The following SLC22A23 variants were observed in gnomAD, a reference collection of about 807,000 sequenced individuals.
SLC22A23 encodes solute carrier family 22 member 23.
In SLC22A23, 26 loss-of-function variants were observed where a neutral mutation model predicts 61.0. That is an observed-to-expected ratio of 0.43 (90% CI 0.31 to 0.59). SLC22A23 has a LOEUF of 0.59. Ranked by LOEUF, SLC22A23 falls within the 20% of genes least tolerant of loss-of-function variation. The pLI is 0.11. For missense variants in SLC22A23, 796 were observed against 934.7 expected, an observed-to-expected ratio of 0.85 and a Z score of 1.94; for synonymous variants, 430 against 413.9, an observed-to-expected ratio of 1.04 and a Z score of -0.47.
chr6:3,352,906 C>T (rs1581735270), intron 3 of SLC22A23, among the ~76,000 whole-genome samples: 1 of 152,324 alleles, frequency 6.6e-6, no homozygotes, highest in South Asian at 2.1e-4. Context: ...CAGTCGCCCC[C>T]GTGACCTGCA....
chr6:3,358,088 G>A (rs1765222740), intron 3 of SLC22A23, among the ~76,000 whole-genome samples: 1 of 152,188 alleles, frequency 6.6e-6, no homozygotes, highest in Non-Finnish European at 1.5e-5. Context: ...CCCCAGGATG[G>A]AGAGAAATTG....
In SLC22A23 at chr6:3,320,033, T is replaced by C. The variant is rs529195079; in HGVS notation, c.1082+3801A>G. 4.6e-5 allele frequency among the ~76,000 whole-genome samples: 7 copies of C among 152,324 alleles called. 1 individual carries two copies. Among genetic ancestry groups the C allele is most frequent in the East Asian group, 3.9e-4 (2 of 5,168 alleles). Reference sequence around the variant, plus strand: ...CCATTGACAGTTTTGACTCCTGGCTTGACTGAAGGAGCTCAGTTCTCACGG... The same window carrying C: ...CCATTGACAGTTTTGACTCCTGGCTCGACTGAAGGAGCTCAGTTCTCACGG... On this transcript the variant is annotated intron_variant, in intron 4 of 9. Transcript: ENST00000406686.
At chr6:3,351,963 G>A (rs983738287) in intron 3 of SLC22A23, among the ~76,000 whole-genome samples, 1 of 152,202 alleles carries the variant, frequency 6.6e-6, no homozygotes, top group Non-Finnish European at 1.5e-5. Flanking sequence ...AGGAGAGCAG[G>A]GAGGGATGCT....
chr6:3,292,147 TACTC>T (rs776557390), intron 5 of SLC22A23, among the ~76,000 whole-genome samples: 3 of 152,326 alleles, frequency 2.0e-5, no homozygotes, highest in Non-Finnish European at 2.9e-5. Flanking sequence ...TACTACCAGT[TACTC>T]ACATCACCAG....
At chr6:3,331,412 C>T (rs368701538) in intron 3 of SLC22A23, among the ~76,000 whole-genome samples, 57 of 152,164 alleles carry the variant, frequency 3.7e-4, no homozygotes, top group African/African-American at 1.2e-3. Flanking sequence ...AGTTCAGTCA[C>T]TTTACCAGTG....
In SLC22A23 at chr6:3,322,076, G is replaced by A. The variant is rs900216637; in HGVS notation, c.1082+1758C>T. On this transcript the variant is annotated intron_variant, in intron 4 of 9. Coordinates refer to ENST00000406686, the MANE Select transcript of SLC22A23 (RefSeq NM_015482.2). This position sits in a 1 kb window ranked among gnomAD's most constrained non-coding sequence, Gnocchi z 4.1. ...TCTAAAGAGCAAACAAGGAATAGGG[G>A]CCAGGCAGGGGAAGACAGGAGCCAG... Among the ~76,000 whole-genome samples the A allele has an allele frequency of 2.0e-5, 3 of 152,188 alleles. No homozygotes were observed. Among genetic ancestry groups the A allele is most frequent in the African/African-American group, 7.2e-5 (3 of 41,426 alleles).
chr6:3,375,225 A>G (rs978913970), intron 3 of SLC22A23, among the ~76,000 whole-genome samples: 1 of 152,246 alleles, frequency 6.6e-6, no homozygotes, highest in Non-Finnish European at 1.5e-5. Flanking sequence ...GAACCAGTTG[A>G]TAGTTGGTTT....
chr6:3,435,060 C>T lies in SLC22A23; in HGVS notation c.655-19205G>A, dbSNP rs896398514. 2.6e-5 allele frequency among the ~76,000 whole-genome samples: 4 copies of T among 152,114 alleles called. 1 individual carries two copies. The highest frequency in any genetic ancestry group is 6.3e-3 in the Middle Eastern group (2 of 316). Reference sequence around the variant, plus strand: ...ACCCAGGCAACAAGGGTGCTGGAAGCGGCTGCTGGGAGTGAAGGACCCATG... The same window carrying T: ...ACCCAGGCAACAAGGGTGCTGGAAGTGGCTGCTGGGAGTGAAGGACCCATG... On this transcript the variant is annotated intron_variant, in intron 1 of 9. Transcript: ENST00000406686.
Position 3,323,947 on chromosome 6 carries a change from G to A in SLC22A23, c.969C>T (p.Phe323=), listed in dbSNP as rs776073781. 1.5e-5 allele frequency: 25 copies of A among 1,614,126 alleles called. No homozygotes were observed. The highest frequency in any genetic ancestry group is 3.3e-5 in the South Asian group (3 of 91,086). Reference sequence around the variant, plus strand: ...TGAGGAACTGGCCCGCCATGGCCACGAAGCTCGCCACCATCGTAATCATGA... The same window carrying A: ...TGAGGAACTGGCCCGCCATGGCCACAAAGCTCGCCACCATCGTAATCATGA... The part of the protein sequence containing the change: ...KRFMITMVAS[F]VAMAGQFLMP... The change falls in exon 4 of 10, where the codon TTC becomes TTT. Residue 323 remains phenylalanine (F), a synonymous_variant. Transcript: ENST00000406686.
Position 3,411,366 on chromosome 6 carries a change from C to T in SLC22A23, c.759-1024G>A, listed in dbSNP as rs570361496. Reference sequence around the variant, plus strand: ...TACCACAAAGGGTAGCTGAGGGGCTCGAACTGTCCTAGACGTGTTAATTAC... The same window carrying T: ...TACCACAAAGGGTAGCTGAGGGGCTTGAACTGTCCTAGACGTGTTAATTAC... On this transcript the variant is annotated intron_variant, in intron 2 of 9. Coordinates refer to ENST00000406686, the MANE Select transcript of SLC22A23 (RefSeq NM_015482.2). Among the ~76,000 whole-genome samples, 9 of 152,204 alleles carry T rather than the reference C, an allele frequency of 5.9e-5. No individual in the cohort carries two copies. In the East Asian group the frequency reaches 7.7e-4, roughly 13 times the overall value.
chr6:3,284,954 G>T, intron 8 of SLC22A23, 125 bp downstream of exon 8: 1 of 1,549,194 alleles, frequency 6.5e-7, no homozygotes, highest in Non-Finnish European at 8.7e-7. Flanking sequence ...AACTTCAGCT[G>T]CAGTTCTTGG....
chr6:3,288,765 G>C (rs529809034), intron 6 of SLC22A23, among the ~76,000 whole-genome samples: 1 of 152,394 alleles, frequency 6.6e-6, no homozygotes, highest in Non-Finnish European at 1.5e-5. Context: ...GGCAGCAGCA[G>C]AGTGGCCAAG....
At position 3,327,278 on chromosome 6, in the gene SLC22A23, A is replaced by C. The variant is rs545045488; in HGVS notation, c.914-3276T>G. On this transcript the variant is annotated intron_variant, in intron 3 of 9. Transcript: ENST00000406686. The surrounding 1 kb of genome is among the most constrained non-coding windows in gnomAD (Gnocchi z 4.1). ...CTACTGTGGAGAGTAGATCACTCACAGGCAGGTGTCCACAGTGCCCGTGGA... is the reference window on the plus strand; with the variant it reads ...CTACTGTGGAGAGTAGATCACTCACCGGCAGGTGTCCACAGTGCCCGTGGA... Among the ~76,000 whole-genome samples the C allele has an allele frequency of 6.6e-6, 1 of 152,336 alleles. No individual in the cohort carries two copies. Among genetic ancestry groups the C allele is most frequent in the East Asian group, 1.9e-4 (1 of 5,194 alleles).
At chr6:3,432,667 G>A (rs754817500) in intron 1 of SLC22A23, among the ~76,000 whole-genome samples, 2 of 152,198 alleles carry the variant, frequency 1.3e-5, no homozygotes, top group Non-Finnish European at 2.9e-5. Flanking sequence ...ACACACGCAC[G>A]CAAGCACAAA....
intron 1 of SLC22A23, among the ~76,000 whole-genome samples, chr6:3,429,951 A>G (rs1400243259): frequency 6.6e-6 from 1 of 152,232 alleles, no homozygotes; most frequent in East Asian, 1.9e-4. Context: ...TGGGAAGATG[A>G]AAAATATCTG....
At chr6:3,378,659 T>TTTC (rs1432069781) in intron 3 of SLC22A23, among the ~76,000 whole-genome samples, 4 of 121,790 alleles carry the variant, frequency 3.3e-5, no homozygotes, top group African/African-American at 1.7e-4. Context: ...TCTTTTTTCT[T>TTTC]TTTTTTTTTT....
At chr6:3,380,329 T>C (rs1220050187) in intron 3 of SLC22A23, among the ~76,000 whole-genome samples, 2 of 152,220 alleles carry the variant, frequency 1.3e-5, no homozygotes. Flanking sequence ...AAGATAGTAG[T>C]ATAAGGCTGA....
intron 1 of SLC22A23, among the ~76,000 whole-genome samples, chr6:3,455,279 G>A (rs187284268): frequency 2.4e-3 from 373 of 152,306 alleles, no homozygotes; most frequent in African/African-American, 8.5e-3. Flanking sequence ...TGACGGCCGG[G>A]GAACACCCAA....
At chr6:3,292,083 A>T (rs6421940) in intron 5 of SLC22A23, 1 of 152,050 alleles carries the variant, frequency 6.6e-6, no homozygotes, top group African/African-American at 2.4e-5. Context: ...AAGCACATGA[A>T]GCGCTTCCTC....
Sources: allele counts gnomAD v4.1 joint callset (sites outside exome capture counted in the v4.1 genomes callset), GRCh38; gene constraint gnomAD v4.1.1; non-coding constraint Gnocchi (gnomAD v3.1); transcripts MANE v1.5; gene names NCBI Gene and HGNC (gene_info 2026-07-23, HGNC 2026-07-21).